The following SNRK variants were observed in gnomAD, a reference collection of about 807,000 sequenced individuals.
The protein encoded by SNRK is SNF related kinase, also known as SNF-related serine/threonine-protein kinase.
In SNRK, 3 loss-of-function variants were observed where a neutral mutation model predicts 48.2. That is an observed-to-expected ratio of 0.06 (90% CI 0.03 to 0.16). The LOEUF is 0.16. SNRK is among the 10% of genes least tolerant of loss of function. SNRK has a pLI of 1.00. For synonymous variants in SNRK, 376 were observed against 366.1 expected (o/e 1.03, Z -0.31); for missense variants, 627 against 976.0 (o/e 0.64, Z 4.76).
chr3:43,347,753 G>C lies in SNRK; in HGVS notation c.1494G>C (p.Glu498Asp). 1 of 1,614,170 alleles carries C rather than the reference G, an allele frequency of 6.2e-7. No homozygotes were observed. The highest frequency in any genetic ancestry group is 2.2e-5 in the East Asian group (1 of 44,870). ...QIFEEGESDD[E>D]FDMDENLPPK... The stretch of plus-strand genomic sequence containing the variant: ...TTGAGGAAGGGGAATCTGACGATGA[G>C]TTTGACATGGATGAGAATCTGCCTC... Residue 498 changes from glutamate (E) to aspartate (D), a missense_variant, in exon 7 of 7, where the codon GAG (glutamate) becomes GAC (aspartate). Glu to Asp is a conservative substitution (Grantham distance 45). Around this residue, in one of 4 missense-constraint regions of SNRK, gnomAD observed 98 missense variants for 175.2 expected, o/e 0.56. Coordinates refer to ENST00000296088, the MANE Select transcript of SNRK (RefSeq NM_017719.5). The surrounding 1 kb of genome is among the most constrained non-coding windows in gnomAD (Gnocchi z 5.4).
In SNRK at chr3:43,340,327, G is replaced by A. The variant is rs1575559567; in HGVS notation, c.772G>A (p.Ala258Thr). The A allele has an allele frequency of 6.2e-7, 1 of 1,614,152 alleles. No individual in the cohort carries two copies. The highest frequency in any genetic ancestry group is 8.5e-7 in the Non-Finnish European group (1 of 1,180,018). The change falls in exon 5 of 7, where the codon GCT becomes ACT. Residue 258 changes from alanine to threonine, a missense_variant. By Grantham distance (58) the Ala-to-Thr change is moderately conservative. This residue lies in a region of SNRK where 147 missense variants were observed against 356.8 expected (regional missense o/e 0.41). Coordinates refer to ENST00000296088, the MANE Select transcript of SNRK (RefSeq NM_017719.5). ...RMLQRDPKRR[A>T]SLEEIENHPW... ...GCTACAGAGAGATCCCAAGAGAAGG[G>A]CTTCTTTAGAAGAGATTGAAAATCA...
chr3:43,336,354 G>T (rs1012899768), intron 4 of SNRK, among the ~76,000 whole-genome samples: 2 of 150,450 alleles, frequency 1.3e-5, no homozygotes, highest in African/African-American at 4.9e-5. Flanking sequence ...CTTAGACAGG[G>T]TCTTGCTTTG....
chr3:43,341,119 A>T (rs932170594), intron 5 of SNRK, among the ~76,000 whole-genome samples: 2 of 150,884 alleles, frequency 1.3e-5, no homozygotes, highest in Non-Finnish European at 2.9e-5. Flanking sequence ...TGTTAATTAC[A>T]TCCTTTAAAA....
At chr3:43,339,807 T>G (rs1285020378) in intron 4 of SNRK, among the ~76,000 whole-genome samples, 1 of 113,662 alleles carries the variant, frequency 8.8e-6, no homozygotes, top group African/African-American at 3.2e-5. Flanking sequence ...GGAGTGGGAC[T>G]CCATTTCCAA....
At chr3:43,309,334 A>G (rs2090961011) in intron 3 of SNRK, among the ~76,000 whole-genome samples, 1 of 152,188 alleles carries the variant, frequency 6.6e-6, no homozygotes, top group Non-Finnish European at 1.5e-5. Flanking sequence ...GCAGGGTTTG[A>G]GAGAATTGAC....
chr3:43,290,177 G>A (rs1406191686), intron 1 of SNRK, among the ~76,000 whole-genome samples: 1 of 152,020 alleles, frequency 6.6e-6, no homozygotes, highest in African/African-American at 2.4e-5. Context: ...CTACTTCTTT[G>A]ATCTGTACAT....
chr3:43,298,907 G>A (rs1336153018), intron 1 of SNRK, among the ~76,000 whole-genome samples: 1 of 152,160 alleles, frequency 6.6e-6, no homozygotes, highest in African/African-American at 2.4e-5. Context: ...CATCATAAGT[G>A]ATTTCCACTT....
intron 3 of SNRK, among the ~76,000 whole-genome samples, chr3:43,318,960 G>A (rs766522417): frequency 5.3e-5 from 8 of 151,926 alleles, no homozygotes; most frequent in Non-Finnish European, 1.2e-4. Flanking sequence ...CCTGGGAGGT[G>A]GAGGTTGCAG....
intron 1 of SNRK, among the ~76,000 whole-genome samples, chr3:43,290,734 A>G (rs1225119795): frequency 6.6e-6 from 1 of 152,228 alleles, no homozygotes; most frequent in African/African-American, 2.4e-5. Context: ...TCTCCTGCTC[A>G]GGATTTTTCT....
intron 1 of SNRK, among the ~76,000 whole-genome samples, chr3:43,288,262 G>A (rs2090781683): frequency 1.3e-5 from 2 of 151,996 alleles, no homozygotes; most frequent in Admixed American, 1.3e-4. Flanking sequence ...TGTATAATCA[G>A]TTTTTAATTG....
chr3:43,302,244 A>G (rs2090902934), intron 2 of SNRK, among the ~76,000 whole-genome samples: 1 of 152,238 alleles, frequency 6.6e-6, no homozygotes, highest in Non-Finnish European at 1.5e-5. Context: ...AAATTCAATT[A>G]TAAGTTTAAA....
chr3:43,298,198 G>A (rs1319962299), intron 1 of SNRK, among the ~76,000 whole-genome samples: 13 of 152,176 alleles, frequency 8.5e-5, no homozygotes, highest in Non-Finnish European at 4.4e-5. Context: ...ACAGAGAGGT[G>A]AAGGTAACTT....
At chr3:43,331,903 T>C (rs1432412337) in intron 3 of SNRK, among the ~76,000 whole-genome samples, 4 of 152,238 alleles carry the variant, frequency 2.6e-5, no homozygotes, top group Non-Finnish European at 4.4e-5. Flanking sequence ...TCAGTTGATA[T>C]TATTGCTCTG....
At chr3:43,319,982 C>T (rs1242817530) in intron 3 of SNRK, among the ~76,000 whole-genome samples, 1 of 152,156 alleles carries the variant, frequency 6.6e-6, no homozygotes, top group Admixed American at 6.5e-5. Flanking sequence ...ATCTTGCAAG[C>T]TTATGAGGTT....
chr3:43,288,067 A>C (rs1444969887), intron 1 of SNRK, among the ~76,000 whole-genome samples: 1 of 152,236 alleles, frequency 6.6e-6, no homozygotes, highest in East Asian at 1.9e-4. Context: ...CCTTGAGAGG[A>C]GAACAGGTGG....
chr3:43,311,417 A>T (rs2125625704), intron 3 of SNRK, among the ~76,000 whole-genome samples: 1 of 152,192 alleles, frequency 6.6e-6, no homozygotes, highest in East Asian at 1.9e-4. Context: ...TTTCTGTCGT[A>T]TCTAGGGATT....
At chr3:43,335,929 C>G (rs1173198337) in intron 4 of SNRK, among the ~76,000 whole-genome samples, 2 of 152,176 alleles carry the variant, frequency 1.3e-5, no homozygotes, top group Non-Finnish European at 2.9e-5. Context: ...TTTTCTTAAA[C>G]TTCCCATTGT....
rs200506865 is a variant in SNRK at position 43,332,275 on chromosome 3, T to C, written c.696T>C (p.Tyr232=). The C allele has an allele frequency of 3.1e-6, 5 of 1,590,946 alleles. No individual in the cohort carries two copies. Among genetic ancestry groups the C allele is most frequent in the Admixed American group, 1.8e-5 (1 of 56,580 alleles). The change falls in exon 4 of 7, where the codon TAT becomes TAC. Residue 232 remains tyrosine (Y), a synonymous_variant. Coordinates refer to ENST00000296088, the MANE Select transcript of SNRK (RefSeq NM_017719.5). ...ETLTMIMDCK[Y]TVPSHVSKEC... is the part of the protein sequence containing the mutation. ...TGACAATGATCATGGATTGCAAATA[T>C]ACAGTACCATCCCATGTGTCTAAAG...
chr3:43,332,123 G>T, intron 3 of SNRK, 46 bp from the exon 4 acceptor site: 2 of 1,359,936 alleles, frequency 1.5e-6, no homozygotes, highest in East Asian at 2.7e-5. Flanking sequence ...AATGTTTTTG[G>T]TTTTCTAATT....
Sources: gnomAD v4.1 joint callset for allele counts (sites outside exome capture counted in the v4.1 genomes callset) on GRCh38, gnomAD v4.1.1 for gene constraint, gnomAD v4.1.1 regional missense constraint, Gnocchi (gnomAD v3.1) non-coding constraint, MANE v1.5 for transcripts, NCBI Gene and HGNC (gene_info 2026-07-23, HGNC 2026-07-21) for gene names.